Variants in NRF1 observed in about 807,000 individuals in gnomAD.
NRF1 encodes the protein nuclear respiratory factor 1.
In NRF1, 5 loss-of-function variants were observed where a neutral mutation model predicts 58.5. The observed-to-expected ratio is 0.09, with a 90% CI of 0.04 to 0.18. The LOEUF (loss-of-function observed/expected upper bound fraction) is 0.18, where lower values mean the gene tolerates loss of function less well. NRF1 is among the 10% of genes least tolerant of loss of function. The pLI, the probability that NRF1 is intolerant of heterozygous loss-of-function variation, is 1.00. For synonymous variants in NRF1, 224 were observed against 246.7 expected (o/e 0.91, Z 0.86); for missense variants, 288 against 657.7 (o/e 0.44, Z 6.15).
rs3042950 is a variant in NRF1 at position 129,662,383 on chromosome 7, AGTGTGTGTGTGT to A, written c.223+4838_223+4849del. ...TTTTTCCTCCAGTTTTAGAATTTCT[AGTGTGTGTGTGT>A]GTGTGTGTGTGTGTGTGTGTGTGTG... On this transcript the variant is annotated intron_variant, in intron 2 of 10. Transcript: ENST00000393232. 3.8e-3 allele frequency among the ~76,000 whole-genome samples: 559 copies of A among 145,770 alleles called. 2 individuals are homozygous for A. Among genetic ancestry groups the A allele is most frequent in the African/African-American group, 9.6e-3 (382 of 39,744 alleles).
At chr7:129,683,617 A>G (rs1447705056) in intron 4 of NRF1, among the ~76,000 whole-genome samples, 1 of 144,976 alleles carries the variant, frequency 6.9e-6, no homozygotes, top group Non-Finnish European at 1.5e-5. Flanking sequence ...GGCATGAGCC[A>G]CCACAACTGG....
At chr7:129,619,436 A>ACC (rs1168073810) in intron 1 of NRF1, among the ~76,000 whole-genome samples, 1 of 98,098 alleles carries the variant, frequency 1.0e-5, no homozygotes, top group East Asian at 3.0e-4. Context: ...ATATATATAC[A>ACC]CACACACACA....
intron 1 of NRF1, among the ~76,000 whole-genome samples, chr7:129,634,721 T>C (rs1239093910): frequency 6.6e-6 from 1 of 152,230 alleles, no homozygotes; most frequent in Non-Finnish European, 1.5e-5. Flanking sequence ...AGTGCAGTTG[T>C]TGGATCCTAT....
At chr7:129,747,392 A>G (rs1804000465) in intron 10 of NRF1, among the ~76,000 whole-genome samples, 1 of 152,114 alleles carries the variant, frequency 6.6e-6, no homozygotes, top group Non-Finnish European at 1.5e-5. Flanking sequence ...TTGGTGAATG[A>G]TGTGCTTCCT....
At chr7:129,644,371 T>C (rs1423061839) in intron 1 of NRF1, among the ~76,000 whole-genome samples, 1 of 138,438 alleles carries the variant, frequency 7.2e-6, no homozygotes, top group Non-Finnish European at 1.5e-5. Context: ...TATTTCTGTC[T>C]CTATAGTGCT....
At chr7:129,650,481 G>T (rs560812826) in intron 1 of NRF1, among the ~76,000 whole-genome samples, 18 of 152,198 alleles carry the variant, frequency 1.2e-4, no homozygotes, top group African/African-American at 4.1e-4. Flanking sequence ...GCCTGATTCA[G>T]TCTCTTACAC....
rs1801505188 is a variant in NRF1 at position 129,650,256 on chromosome 7, G to A, written c.-6-7090G>A. Reference sequence around the variant, plus strand: ...GATAGGTATGCTGTTTTATTTGAATGTGGTGTTGAGTCACAGGTCATTATG... The same window carrying A: ...GATAGGTATGCTGTTTTATTTGAATATGGTGTTGAGTCACAGGTCATTATG... On this transcript the variant is annotated intron_variant, in intron 1 of 10. Coordinates refer to ENST00000393232, the MANE Select transcript of NRF1 (RefSeq NM_005011.5). 2.7e-5 allele frequency among the ~76,000 whole-genome samples: 4 copies of A among 150,862 alleles called. No homozygotes were observed. The South Asian group carries it at 8.3e-4, about 31-fold the overall frequency.
At chr7:129,635,766 C>G (rs1003769587) in intron 1 of NRF1, among the ~76,000 whole-genome samples, 1 of 152,148 alleles carries the variant, frequency 6.6e-6, no homozygotes, top group African/African-American at 2.4e-5. Context: ...AAGAGGACAT[C>G]TAGTGATGGG....
At position 129,717,238 on chromosome 7, in the gene NRF1, C is replaced by T. The variant is rs748140517; in HGVS notation, c.1085C>T (p.Thr362Met). The change falls in exon 9 of 11, where the codon ACG becomes ATG. Residue 362 changes from threonine to methionine, a missense_variant. Coordinates refer to ENST00000393232, the MANE Select transcript of NRF1 (RefSeq NM_005011.5). ...ADGEVEQNWA[T>M]LQGGEMTIQT... ...CCTCAGGTGGAACAAAATTGGGCCA[C>T]GTTACAGGGAGGTGAGATGACCATC... 10 of 1,610,952 alleles carry T rather than the reference C, an allele frequency of 6.2e-6. No individual in the cohort carries two copies. Among genetic ancestry groups the T allele is most frequent in the South Asian group, 3.3e-5 (3 of 90,504 alleles).
Position 129,752,931 on chromosome 7 carries a change from G to T in NRF1, c.1349-2087G>T, listed in dbSNP as rs535771616. Among the ~76,000 whole-genome samples the T allele has an allele frequency of 1.2e-4, 18 of 152,284 alleles. No homozygotes were observed. In the South Asian group the frequency reaches 3.3e-3, roughly 28 times the overall value. ...TTTCAGGCCTGCATTGCAAGTGTGG[G>T]GGCGACTGGCCACGTCTTCCATTTC... On this transcript the variant is annotated intron_variant, in intron 10 of 10. Coordinates refer to ENST00000393232, the MANE Select transcript of NRF1 (RefSeq NM_005011.5).
chr7:129,649,278 A>G (rs1248891189), intron 1 of NRF1, among the ~76,000 whole-genome samples: 1 of 152,130 alleles, frequency 6.6e-6, no homozygotes, highest in African/African-American at 2.4e-5. Flanking sequence ...GGATATGTTC[A>G]AGAATGTAAG....
At chr7:129,629,130 C>G (rs1290311908) in intron 1 of NRF1, among the ~76,000 whole-genome samples, 1 of 152,148 alleles carries the variant, frequency 6.6e-6, no homozygotes, top group Admixed American at 6.5e-5. Context: ...GACAGACCCA[C>G]TTTTAATTTT....
chr7:129,616,398 T>C (rs909545055), intron 1 of NRF1, among the ~76,000 whole-genome samples: 3 of 152,182 alleles, frequency 2.0e-5, no homozygotes, highest in Non-Finnish European at 2.9e-5. Flanking sequence ...GCCTGGGCAA[T>C]GTAGTGACAT....
chr7:129,726,947 G>A (rs1485841030), intron 9 of NRF1, among the ~76,000 whole-genome samples: 2 of 152,186 alleles, frequency 1.3e-5, no homozygotes, highest in African/African-American at 2.4e-5. Flanking sequence ...ATATTGATAA[G>A]GAAGAAACTG....
chr7:129,688,632 A>G (rs1469948853), intron 4 of NRF1, among the ~76,000 whole-genome samples: 1 of 152,152 alleles, frequency 6.6e-6, no homozygotes, highest in African/African-American at 2.4e-5. Context: ...GCTTCAGGAA[A>G]CTTAACAATC....
At chr7:129,713,087 C>A (rs978362653) in intron 8 of NRF1, among the ~76,000 whole-genome samples, 4 of 144,578 alleles carry the variant, frequency 2.8e-5, no homozygotes, top group Non-Finnish European at 4.5e-5. Context: ...AATGGAGTTG[C>A]GTTTCCTTTT....
chr7:129,698,086 T>C (rs1010825626), intron 5 of NRF1, among the ~76,000 whole-genome samples: 3 of 152,114 alleles, frequency 2.0e-5, no homozygotes, highest in Admixed American at 1.3e-4. Flanking sequence ...CAAACTTGTC[T>C]CCTACACATA....
At chr7:129,689,842 C>T (rs1428946564) in intron 4 of NRF1, among the ~76,000 whole-genome samples, 1 of 152,212 alleles carries the variant, frequency 6.6e-6, no homozygotes, top group Non-Finnish European at 1.5e-5. Flanking sequence ...TAGTGGCACT[C>T]AGCTACAACA....
intron 10 of NRF1, among the ~76,000 whole-genome samples, chr7:129,732,356 C>T (rs1179749225): frequency 6.6e-6 from 1 of 152,140 alleles, no homozygotes; most frequent in East Asian, 1.9e-4. Flanking sequence ...TTAACAAGTT[C>T]GTAAGTATTG....
Sources: allele counts gnomAD v4.1 joint callset (sites outside exome capture counted in the v4.1 genomes callset), GRCh38; gene constraint gnomAD v4.1.1; transcripts MANE v1.5; gene names NCBI Gene and HGNC (gene_info 2026-07-23, HGNC 2026-07-21).